Variants in MAPK8IP3 observed in about 807,000 individuals in gnomAD.
The protein encoded by MAPK8IP3 is mitogen-activated protein kinase 8 interacting protein 3.
MAPK8IP3 carries 49 observed loss-of-function variants against 157.8 expected under a neutral mutation model. The ratio of observed to expected loss-of-function variants is 0.31; its 90% CI spans 0.25 to 0.39. The LOEUF is 0.39. Ranked by LOEUF, MAPK8IP3 falls within the 10% of genes least tolerant of loss-of-function variation. The pLI is 1.00. For synonymous variants in MAPK8IP3, 897 were observed against 777.7 expected, an observed-to-expected ratio of 1.15 and a Z score of -2.55; for missense variants, 1,478 against 1,889.4, an observed-to-expected ratio of 0.78 and a Z score of 4.04.
chr16:1,758,163 A>G lies in MAPK8IP3; in HGVS notation c.1228+4A>G, dbSNP rs2041725594. 1 of 1,613,160 alleles carries G rather than the reference A, an allele frequency of 6.2e-7. No homozygotes were observed. Among genetic ancestry groups the G allele is most frequent in the East Asian group, 2.2e-5 (1 of 44,858 alleles). The stretch of plus-strand genomic sequence containing the variant: ...GACTCGCCAGGGGAGTTCTCAGGTG[A>G]GTATCTCACTCTCCTGTCTGTCTCC... On this transcript the variant is annotated splice_donor_region_variant and intron_variant, in intron 9 of 31. Transcript: ENST00000610761.
chr16:1,765,870 C>G (rs1360347590), intron 20 of MAPK8IP3, 90 bp from the exon 21 acceptor site: 2 of 1,251,878 alleles, frequency 1.6e-6, no homozygotes, highest in Admixed American at 2.3e-5. Flanking sequence ...AAGGCCAGCC[C>G]CGGCTTCCTC....
intron 20 of MAPK8IP3, 28 bp from the exon 21 acceptor site, chr16:1,765,932 C>G (rs532595593): frequency 1.1e-4 from 182 of 1,589,666 alleles, no homozygotes; most frequent in Admixed American, 2.1e-4. Context: ...TTCCCCCGCA[C>G]AGGCTGACGG....
At position 1,741,459 on chromosome 16, in the gene MAPK8IP3, G is replaced by T. The variant is rs1480701954; in HGVS notation, c.603-1873G>T. On this transcript the variant is annotated intron_variant, in intron 4 of 31. Transcript: ENST00000610761. This position sits in a 1 kb window ranked among gnomAD's most constrained non-coding sequence, Gnocchi z 6.9. ...GGAGAGCCGTACATGCATTCCCTTGGCCTCCTGGGAGACCAGAGGCCCCTC... is the reference window on the plus strand; with the variant it reads ...GGAGAGCCGTACATGCATTCCCTTGTCCTCCTGGGAGACCAGAGGCCCCTC... Among the ~76,000 whole-genome samples, 2 of 152,138 alleles carry T rather than the reference G, an allele frequency of 1.3e-5. No individual in the cohort carries two copies. The highest frequency in any genetic ancestry group is 2.9e-5 in the Non-Finnish European group (2 of 68,012).
intron 22 of MAPK8IP3, 29 bp from the exon 23 acceptor site, chr16:1,766,500 C>A (rs768848573): frequency 6.2e-7 from 1 of 1,607,644 alleles, no homozygotes; most frequent in African/African-American, 1.3e-5. Context: ...GCTCCGTGGC[C>A]CCCCCTGGAG....
intron 5 of MAPK8IP3, chr16:1,745,214 G>A: frequency 1.0e-6 from 1 of 982,716 alleles, no homozygotes; most frequent in Non-Finnish European, 1.2e-6. Context: ...CCACCATGAG[G>A]GTCAGGAGCA....
At position 1,743,583 on chromosome 16, in the gene MAPK8IP3, C is replaced by T; in HGVS notation, c.747+107C>T. On this transcript the variant is annotated intron_variant, in intron 5 of 31. Transcript: ENST00000610761. This position sits in a 1 kb window ranked among gnomAD's most constrained non-coding sequence, Gnocchi z 5.6. ...AGGCAGCCCTTCACGGCTCTCTGGG[C>T]CACTCGCCCTCTCCCTTCGTGTGTG... 1 of 1,488,674 alleles carries T rather than the reference C, an allele frequency of 6.7e-7. No individual in the cohort carries two copies. The highest frequency in any genetic ancestry group is 8.8e-7 in the Non-Finnish European group (1 of 1,130,210). 92.2% of individuals were successfully genotyped at this position (1,488,674 alleles called of 1,614,324 possible).
At chr16:1,764,579 CGCAGGGGCTCCTAGACTGCGGGAA>C in intron 19 of MAPK8IP3, 120 bp downstream of exon 19, 4 of 1,341,770 alleles carry the variant, frequency 3.0e-6, no homozygotes, top group Non-Finnish European at 4.0e-6. Flanking sequence ...AGCAGGGCAG[CGCAGGGGCTCCTAGACTGCGGGAA>C]GCAGTGTCTT....
intron 9 of MAPK8IP3, 120 bp downstream of exon 9, chr16:1,758,279 G>C: frequency 8.5e-7 from 1 of 1,180,344 alleles, no homozygotes; most frequent in South Asian, 1.3e-5. Context: ...CGTCGCCGCA[G>C]CGCCTCTGCT....
At chr16:1,764,031 C>T (rs2042110140) in intron 17 of MAPK8IP3, 84 bp from the exon 18 acceptor site, 1 of 1,355,396 alleles carries the variant, frequency 7.4e-7, no homozygotes, top group Non-Finnish European at 1.0e-6. Context: ...CCGCCAGAAG[C>T]TGGCAGCCCT....
chr16:1,714,703 T>C (rs1191871319), intron 1 of MAPK8IP3, among the ~76,000 whole-genome samples: 1 of 152,118 alleles, frequency 6.6e-6, no homozygotes, highest in Non-Finnish European at 1.5e-5. Context: ...CAGTGGGCCC[T>C]TGCACACGTG....
Position 1,768,831 on chromosome 16 carries a change from T to A in MAPK8IP3, c.*7T>A. The A allele has an allele frequency of 1.9e-6, 3 of 1,611,700 alleles. No individual in the cohort carries two copies. Among genetic ancestry groups the A allele is most frequent in the Non-Finnish European group, 2.5e-6 (3 of 1,179,656 alleles). ...GTCCTACACCCCCGAGTGAAGCTGCTGCCCTGCCTGGCCCGACCTGTACAT... is the reference window on the plus strand; with the variant it reads ...GTCCTACACCCCCGAGTGAAGCTGCAGCCCTGCCTGGCCCGACCTGTACAT... On this transcript the variant is annotated 3_prime_UTR_variant, in exon 32 of 32. Coordinates refer to ENST00000610761, the MANE Select transcript of MAPK8IP3 (RefSeq NM_001318852.2).
At chr16:1,708,797 C>T (rs1463726848) in intron 1 of MAPK8IP3, among the ~76,000 whole-genome samples, 3 of 152,148 alleles carry the variant, frequency 2.0e-5, no homozygotes, top group Non-Finnish European at 2.9e-5. Context: ...GCTAACGGGG[C>T]GCCCTTGGAA....
rs1274792485 is a variant in MAPK8IP3, at chr16:1,762,989, G to A, written c.1881G>A (p.Leu627=). 1.2e-6 allele frequency: 2 copies of A among 1,612,734 alleles called. No individual in the cohort carries two copies. The highest frequency in any genetic ancestry group is 1.7e-6 in the Non-Finnish European group (2 of 1,179,982). ...MCPISAGSRP[L]EFFPDDDCTS... is the part of the protein sequence containing the mutation. ...CGATCTCGGCAGGCAGCCGGCCCCTGGAATTCTTCCCTGACGAGTGAGTGT... is the reference window on the plus strand; with the variant it reads ...CGATCTCGGCAGGCAGCCGGCCCCTAGAATTCTTCCCTGACGAGTGAGTGT... Residue 627 remains leucine, a synonymous_variant, in exon 16 of 32, where the codon CTG becomes CTA. Transcript: ENST00000610761.
Position 1,767,894 on chromosome 16 carries a change from G to A in MAPK8IP3, c.3499G>A (p.Val1167Ile), listed in dbSNP as rs371196659. 1.2e-6 allele frequency: 2 copies of A among 1,611,310 alleles called. No homozygotes were observed. Among genetic ancestry groups the A allele is most frequent in the Non-Finnish European group, 1.7e-6 (2 of 1,179,926 alleles). ...CTGGGTGGGCACCGGCAACGGAGTG[G>A]TCATCTCCATCCCCCTGACAGAGAG... The part of the protein sequence containing the change: ...RLWVGTGNGV[V>I]ISIPLTETVV... The change falls in exon 28 of 32, where the codon GTC (valine) becomes ATC (isoleucine). Residue 1167 changes from valine (V) to isoleucine (I), a missense_variant. Transcript: ENST00000610761.
chr16:1,760,703 G>A (rs1476825015), intron 12 of MAPK8IP3, among the ~76,000 whole-genome samples, 171 bp downstream of exon 12: 1 of 152,194 alleles, frequency 6.6e-6, no homozygotes, highest in African/African-American at 2.4e-5. Flanking sequence ...TGGGGCCGTG[G>A]TCTCCTCCTG....
rs750530085 is a variant in MAPK8IP3 at position 1,767,955 on chromosome 16, G to A, written c.3523+37G>A. 2.5e-6 allele frequency: 4 copies of A among 1,607,948 alleles called. No individual in the cohort carries two copies. In the Admixed American group the frequency reaches 5.0e-5, roughly 20 times the overall value. ...GCACACCTGCAGGGGCAGTGGTGCT[G>A]CCAGAGGTGTACGTGGGTTCACGGG... is the stretch of plus-strand genomic sequence containing the variant. On this transcript the variant is annotated intron_variant, in intron 28 of 31. Transcript: ENST00000610761.
chr16:1,748,473 A>G, intron 7 of MAPK8IP3, 127 bp downstream of exon 7: 1 of 1,141,770 alleles, frequency 8.8e-7, no homozygotes, highest in East Asian at 2.5e-5. Context: ...GCCTCCATCC[A>G]CGACCGGCCT....
At chr16:1,762,633 G>C in intron 14 of MAPK8IP3, 42 bp from the exon 15 acceptor site, 2 of 1,543,056 alleles carry the variant, frequency 1.3e-6, no homozygotes, top group Non-Finnish European at 1.8e-6. Flanking sequence ...TAAGGGAGGC[G>C]TGAGGGCACT....
In MAPK8IP3 at chr16:1,737,984, G is replaced by C. The variant is rs201312915; in HGVS notation, c.603-5348G>C. Among the ~76,000 whole-genome samples, 179 of 80,556 alleles carry C rather than the reference G, an allele frequency of 2.2e-3. 33 individuals are homozygous for C. In the East Asian group the frequency reaches 0.077, roughly 35 times the overall value. The allele number at this position is 80,556 out of a possible 152,430, so 52.8% of individuals were successfully genotyped here. On this transcript the variant is annotated intron_variant, in intron 4 of 31. Transcript: ENST00000610761. Reference sequence around the variant, plus strand: ...CGTCCGTGTGAGCGTGTGACCGTCCGTGTGACCATCCATGTGAGCATCTGT... The same window carrying C: ...CGTCCGTGTGAGCGTGTGACCGTCCCTGTGACCATCCATGTGAGCATCTGT...
Sources: allele counts gnomAD v4.1 joint callset (sites outside exome capture counted in the v4.1 genomes callset), GRCh38; gene constraint gnomAD v4.1.1; non-coding constraint Gnocchi (gnomAD v3.1); transcripts MANE v1.5; gene names NCBI Gene and HGNC (gene_info 2026-07-23, HGNC 2026-07-21).